SYNE1: variants seen among roughly 807,000 people sequenced by gnomAD.
SYNE1 encodes spectrin repeat containing nuclear envelope protein 1.
A neutral mutation model predicts 1,111.0 loss-of-function variants in SYNE1; 616 were observed. The ratio of observed to expected loss-of-function variants is 0.55; its 90% CI spans 0.52 to 0.59. The LOEUF (loss-of-function observed/expected upper bound fraction) is 0.59, where lower values mean the gene tolerates loss of function less well. Among genes scored for constraint, SYNE1 ranks in the 20% least tolerant of loss-of-function variants. The pLI is 0.00. For synonymous variants in SYNE1, 3,855 were observed against 3,825.8 expected (o/e 1.01, Z -0.28); for missense variants, 10,006 against 10,417.0 (o/e 0.96, Z 1.72).
At chr6:152,151,748 A>G (rs959355588) in intron 134 of SYNE1, 58 bp from the exon 135 acceptor site, 6 of 1,581,370 alleles carry the variant, frequency 3.8e-6, no homozygotes, top group Non-Finnish European at 5.2e-6. Flanking sequence ...TTCTAAACAT[A>G]TGGAGATGGC....
chr6:152,310,009 C>T lies in SYNE1; in HGVS notation c.17028G>A (p.Leu5676=), dbSNP rs746501422. The T allele has an allele frequency of 2.0e-5, 32 of 1,613,426 alleles. No homozygotes were observed. Among genetic ancestry groups the T allele is most frequent in the Non-Finnish European group, 2.7e-5 (32 of 1,180,014 alleles). Reference sequence around the variant, plus strand: ...TCGGCTTCAGTGACTCCATCTCAGACAACAAATGCTGAAAATGCAATTTCA... The same window carrying T: ...TCGGCTTCAGTGACTCCATCTCAGATAACAAATGCTGAAAATGCAATTTCA... The part of the protein sequence containing the change: ...KEQLSHRQHL[L]SEMESLKPKV... Residue 5676 remains leucine, a synonymous_variant, in exon 90 of 146, where the codon TTG becomes TTA. Transcript: ENST00000367255.
At chr6:152,468,534 T>C (rs4304177) in intron 16 of SYNE1, among the ~76,000 whole-genome samples, 78,994 of 152,048 alleles carry the variant, frequency 0.52, 22,287 homozygotes, top group East Asian at 0.76. Flanking sequence ...AAATTAATGA[T>C]AGAAAGGATT....
At chr6:152,592,169 G>A (rs563417025) in intron 3 of SYNE1, among the ~76,000 whole-genome samples, 1 of 151,982 alleles carries the variant, frequency 6.6e-6, no homozygotes, top group African/African-American at 2.4e-5. Flanking sequence ...TTATTACTGG[G>A]TGTATGCTGG....
At chr6:152,357,619 C>T (rs1388691788) in intron 66 of SYNE1, among the ~76,000 whole-genome samples, 2 of 152,038 alleles carry the variant, frequency 1.3e-5, no homozygotes, top group Non-Finnish European at 2.9e-5. Context: ...ACCATAAGAC[C>T]CCTTACATTA....
intron 6 of SYNE1, among the ~76,000 whole-genome samples, chr6:152,514,955 C>T (rs2099104094): frequency 6.6e-6 from 1 of 152,178 alleles, no homozygotes; most frequent in African/African-American, 2.4e-5. Context: ...GGCGTGGTGG[C>T]TCACACCTGT....
intron 98 of SYNE1, among the ~76,000 whole-genome samples, chr6:152,271,471 T>C (rs992715796): frequency 1.3e-5 from 2 of 152,194 alleles, no homozygotes; most frequent in African/African-American, 4.8e-5. Flanking sequence ...TGGTCTAATA[T>C]ATGCTAGTTG....
At chr6:152,297,806 TGTGTGTGTGTGTGTGTGC>T (rs2094955128) in intron 93 of SYNE1, among the ~76,000 whole-genome samples, 1 of 101,196 alleles carries the variant, frequency 9.9e-6, no homozygotes, top group Admixed American at 9.6e-5. Flanking sequence ...TGTGTGTGTG[TGTGTGTGTGTGTGTGTGC>T]GCGCGCACGT....
At chr6:152,373,428 T>C (rs1202521379) in intron 58 of SYNE1, among the ~76,000 whole-genome samples, 1 of 152,034 alleles carries the variant, frequency 6.6e-6, no homozygotes, top group African/African-American at 2.4e-5. Flanking sequence ...TACAGGTGCA[T>C]GCTGCCACAC....
At chr6:152,296,896 G>C (rs2094908711) in intron 93 of SYNE1, among the ~76,000 whole-genome samples, 2 of 151,308 alleles carry the variant, frequency 1.3e-5, no homozygotes, top group South Asian at 2.1e-4. Flanking sequence ...CTCCTGGCCT[G>C]TTTCTCTCAT....
intron 3 of SYNE1, among the ~76,000 whole-genome samples, chr6:152,578,071 G>T (rs933337420): frequency 1.3e-4 from 20 of 151,374 alleles, no homozygotes; most frequent in Non-Finnish European, 2.7e-4. Flanking sequence ...AGCAAAAATG[G>T]TTTTTTTTGC....
intron 6 of SYNE1, 23 bp from the exon 7 acceptor site, chr6:152,511,126 A>G: frequency 6.3e-7 from 1 of 1,576,814 alleles, no homozygotes; most frequent in Non-Finnish European, 8.7e-7. Context: ...GAGAAACTGT[A>G]CTAGTAATGT....
rs1477560269 is a variant in SYNE1 at position 152,269,297 on chromosome 6, C to A, written c.18574-11G>T. ...CTCCTGTGCTGTTCCCTGCTTTTAA[C>A]GAGGCAGAAATCAAGTCATGCTACA... On this transcript the variant is annotated splice_polypyrimidine_tract_variant and intron_variant, in intron 98 of 145. Coordinates refer to ENST00000367255, the MANE Select transcript of SYNE1 (RefSeq NM_182961.4). The A allele has an allele frequency of 6.2e-7, 1 of 1,613,974 alleles. No individual in the cohort carries two copies. Among genetic ancestry groups the A allele is most frequent in the Non-Finnish European group, 8.5e-7 (1 of 1,180,024 alleles).
At chr6:152,409,046 G>A in intron 44 of SYNE1, 22 bp downstream of exon 44, 1 of 1,611,452 alleles carries the variant, frequency 6.2e-7, no homozygotes, top group Non-Finnish European at 8.5e-7. Flanking sequence ...ATAGTTCACA[G>A]AATCCCAGGT....
chr6:152,448,470 G>T (rs112992904), intron 28 of SYNE1, among the ~76,000 whole-genome samples: 8,115 of 152,238 alleles, frequency 0.053, 265 homozygotes, highest in Non-Finnish European at 0.068. Flanking sequence ...GCAACCAGTA[G>T]CAAATGTAGA....
chr6:152,310,430 C>A lies in SYNE1; in HGVS notation c.16985G>T (p.Arg5662Leu), dbSNP rs144895914. Residue 5662 changes from arginine (R) to leucine (L), a missense_variant, in exon 89 of 146, where the codon CGT (arginine) becomes CTT (leucine). Arg to Leu is a moderately radical substitution (Grantham distance 102). Coordinates refer to ENST00000367255, the MANE Select transcript of SYNE1 (RefSeq NM_182961.4). ...QATLTSPEVG[R>L]LSLKEQLSHR... ...AGAGAGCTGCTCCTTGAGACTGAGA[C>A]GTCCAACTTCTGGAGAAGTCAGTGT... 6.2e-7 allele frequency: 1 copy of A among 1,614,192 alleles called. No homozygotes were observed. The highest frequency in any genetic ancestry group is 1.1e-5 in the South Asian group (1 of 91,086).
At chr6:152,425,663 GGGACA>G in intron 38 of SYNE1, 116 bp from the exon 39 acceptor site, 1 of 1,191,234 alleles carries the variant, frequency 8.4e-7, no homozygotes, top group Non-Finnish European at 1.2e-6. Context: ...CAAGTCATTC[GGGACA>G]GGCTGAAGAG....
chr6:152,127,222 C>T (rs76047609), intron 145 of SYNE1: 8 of 152,244 alleles, frequency 5.3e-5, no homozygotes, highest in African/African-American at 1.7e-4. Context: ...CAGAGTGGTA[C>T]GGTTAACGGG....
intron 72 of SYNE1, among the ~76,000 whole-genome samples, chr6:152,347,857 T>C (rs2096666024): frequency 6.6e-6 from 1 of 151,186 alleles, no homozygotes; most frequent in East Asian, 1.9e-4. Context: ...ATTTTTTTTT[T>C]TTTTTGTATT....
chr6:152,369,211 C>T, intron 60 of SYNE1, 84 bp from the exon 61 acceptor site: 3 of 1,558,428 alleles, frequency 1.9e-6, no homozygotes, highest in Non-Finnish European at 2.6e-6. Flanking sequence ...ACATGGAAAT[C>T]AACACTGGCA....
Sources: gnomAD v4.1 joint callset for allele counts (sites outside exome capture counted in the v4.1 genomes callset) on GRCh38, gnomAD v4.1.1 for gene constraint, MANE v1.5 for transcripts, NCBI Gene and HGNC (gene_info 2026-07-23, HGNC 2026-07-21) for gene names.